The following ACVR2A variants were observed in gnomAD, a reference collection of about 807,000 sequenced individuals.
ACVR2A encodes activin receptor type-2A.
A neutral mutation model predicts 61.4 loss-of-function variants in ACVR2A; 7 were observed. The ratio of observed to expected loss-of-function variants is 0.11; its 90% CI spans 0.06 to 0.21. ACVR2A has a LOEUF of 0.21. Among genes scored for constraint, ACVR2A ranks in the 10% least tolerant of loss-of-function variants. The pLI, the probability that ACVR2A is intolerant of heterozygous loss-of-function variation, is 1.00. For synonymous variants in ACVR2A, 193 were observed against 208.3 expected, an observed-to-expected ratio of 0.93 and a Z score of 0.63; for missense variants, 322 against 621.7, an observed-to-expected ratio of 0.52 and a Z score of 5.13.
At position 147,930,725 on chromosome 2, in the gene ACVR2A, T is replaced by C. The variant is rs1687672506; in HGVS notation, c.*3451T>C. 6.6e-6 allele frequency: 1 copy of C among 152,426 alleles called. No individual in the cohort carries two copies. Among genetic ancestry groups the C allele is most frequent in the Non-Finnish European group, 1.5e-5 (1 of 67,964 alleles). The allele number at this position is 152,426 out of a possible 1,614,324, so 9.4% of individuals were successfully genotyped here. A position where few individuals can be genotyped will look rare whatever the true frequency, so the allele number is the denominator to read the frequency against. On this transcript the variant is annotated 3_prime_UTR_variant, in exon 11 of 11. Coordinates refer to ENST00000241416, the MANE Select transcript of ACVR2A (RefSeq NM_001616.5). The stretch of plus-strand genomic sequence containing the variant: ...TTTAACAGAAAGCTTAAAATCCCCA[T>C]AAAACCCCACCTTGGATAAGTGATT...
At chr2:147,908,902 T>C (rs994351345) in intron 4 of ACVR2A, among the ~76,000 whole-genome samples, 1 of 152,154 alleles carries the variant, frequency 6.6e-6, no homozygotes, top group Non-Finnish European at 1.5e-5. Flanking sequence ...AGAAATCTTA[T>C]AACACATATC....
At chr2:147,924,962 A>G (rs1259651642) in intron 9 of ACVR2A, among the ~76,000 whole-genome samples, 1 of 151,958 alleles carries the variant, frequency 6.6e-6, no homozygotes, top group Non-Finnish European at 1.5e-5. Context: ...CCAGCCATAG[A>G]TAATTCTTAT....
At chr2:147,912,489 A>G (rs1687142779) in intron 4 of ACVR2A, among the ~76,000 whole-genome samples, 1 of 151,906 alleles carries the variant, frequency 6.6e-6, no homozygotes, top group Non-Finnish European at 1.5e-5. Flanking sequence ...ATGACATCAG[A>G]AATTGCTTGT....
chr2:147,920,897 C>A (rs1399313173), intron 8 of ACVR2A, among the ~76,000 whole-genome samples: 1 of 152,088 alleles, frequency 6.6e-6, no homozygotes, highest in African/African-American at 2.4e-5. Context: ...TGTATATATC[C>A]ATATGCACAG....
chr2:147,916,432 T>C (rs895976576), intron 5 of ACVR2A, among the ~76,000 whole-genome samples: 2 of 151,928 alleles, frequency 1.3e-5, no homozygotes, highest in South Asian at 2.1e-4. Flanking sequence ...GTTTTACATA[T>C]ATGAGTACTC....
At chr2:147,884,818 G>T (rs1461460687) in intron 1 of ACVR2A, among the ~76,000 whole-genome samples, 1 of 152,086 alleles carries the variant, frequency 6.6e-6, no homozygotes. Context: ...AGTGTCCTGA[G>T]TTTTGTTCTG....
At chr2:147,911,908 G>A (rs1396991279) in intron 4 of ACVR2A, among the ~76,000 whole-genome samples, 5 of 151,970 alleles carry the variant, frequency 3.3e-5, no homozygotes, top group Non-Finnish European at 7.4e-5. Flanking sequence ...TTAAATGTCA[G>A]CATGTGTTCA....
intron 1 of ACVR2A, 116 bp downstream of exon 1, chr2:147,845,323 C>T: frequency 2.7e-6 from 2 of 746,510 alleles, no homozygotes; most frequent in Non-Finnish European, 4.1e-6. Context: ...AGGTTGCCCA[C>T]TCCCTGCGCC....
chr2:147,851,752 T>C (rs980712609), intron 1 of ACVR2A, among the ~76,000 whole-genome samples: 24 of 152,170 alleles, frequency 1.6e-4, no homozygotes, highest in Non-Finnish European at 1.5e-4. Flanking sequence ...GTTTCCACTT[T>C]AGACTGTGCA....
intron 1 of ACVR2A, among the ~76,000 whole-genome samples, chr2:147,876,434 G>C (rs1347807104): frequency 6.6e-6 from 1 of 151,512 alleles, no homozygotes; most frequent in Non-Finnish European, 1.5e-5. Flanking sequence ...TTTCTTTTAG[G>C]TATTTACCCC....
chr2:147,850,791 T>C (rs1685425734), intron 1 of ACVR2A, among the ~76,000 whole-genome samples: 1 of 152,208 alleles, frequency 6.6e-6, no homozygotes, highest in Non-Finnish European at 1.5e-5. Flanking sequence ...CCTAGATTTC[T>C]TGTTAGTCAC....
chr2:147,888,115 C>G (rs765052714), intron 1 of ACVR2A, among the ~76,000 whole-genome samples: 1 of 152,088 alleles, frequency 6.6e-6, no homozygotes, highest in Non-Finnish European at 1.5e-5. Context: ...TTGTCAAAAA[C>G]GAATTAGACG....
intron 4 of ACVR2A, among the ~76,000 whole-genome samples, chr2:147,904,866 A>G (rs73003432): frequency 0.017 from 2,524 of 152,188 alleles, 73 homozygotes; most frequent in African/African-American, 0.058. Context: ...GGAGAAATTT[A>G]CTAAATTTAT....
chr2:147,927,332 A>G lies in ACVR2A; in HGVS notation c.*58A>G. 1 of 1,469,562 alleles carries G rather than the reference A, an allele frequency of 6.8e-7. No individual in the cohort carries two copies. The highest frequency in any genetic ancestry group is 1.3e-5 in the South Asian group (1 of 78,246). The allele number at this position is 1,469,562 out of a possible 1,614,324, so 91.0% of individuals were successfully genotyped here. ...GACTCTGAACTGGAGCTGCTAAGCT[A>G]AAGAAACTGCTTACAGTTTATTTTC... On this transcript the variant is annotated 3_prime_UTR_variant, in exon 11 of 11. Coordinates refer to ENST00000241416, the MANE Select transcript of ACVR2A (RefSeq NM_001616.5).
intron 4 of ACVR2A, among the ~76,000 whole-genome samples, chr2:147,900,143 T>A (rs1686837042): frequency 6.6e-6 from 1 of 152,116 alleles, no homozygotes; most frequent in Admixed American, 6.6e-5. Context: ...TATTCCTCTT[T>A]GGAGAGTTTT....
At position 147,854,528 on chromosome 2, in the gene ACVR2A, T is replaced by G. The variant is rs112520189; in HGVS notation, c.55+9321T>G. Among the ~76,000 whole-genome samples the G allele has an allele frequency of 7.0e-3, 1,061 of 152,270 alleles. 13 individuals are homozygous for G. Among genetic ancestry groups the G allele is most frequent in the African/African-American group, 0.024 (990 of 41,558 alleles). On this transcript the variant is annotated intron_variant, in intron 1 of 10. Coordinates refer to ENST00000241416, the MANE Select transcript of ACVR2A (RefSeq NM_001616.5). ...GTGGTATAATATTTTGGACTAAAAC[T>G]TAAGAGTCTGTCATTCAAATTCCTA...
intron 1 of ACVR2A, among the ~76,000 whole-genome samples, chr2:147,892,191 C>G (rs760349896): frequency 6.6e-6 from 1 of 151,960 alleles, no homozygotes; most frequent in African/African-American, 2.4e-5. Context: ...AGGCTGGTCT[C>G]AAACTCCTGA....
Position 147,896,506 on chromosome 2 carries a change from C to T in ACVR2A, c.261C>T (p.Asp87=), listed in dbSNP as rs1686735542. ...GCWLDDINCY[D]RTDCVEKKDS... ...GGCTGGATGATATCAACTGCTATGA[C>T]AGGTAAGAACACATTTAAGATTTTA... Residue 87 remains aspartate (D), a splice_region_variant and synonymous_variant, in exon 2 of 11, where the codon GAC becomes GAT. Transcript: ENST00000241416. 1 of 1,613,626 alleles carries T rather than the reference C, an allele frequency of 6.2e-7. No individual in the cohort carries two copies. The highest frequency in any genetic ancestry group is 8.5e-7 in the Non-Finnish European group (1 of 1,179,670).
intron 1 of ACVR2A, among the ~76,000 whole-genome samples, chr2:147,871,684 T>C (rs978648493): frequency 1.3e-5 from 2 of 152,120 alleles, no homozygotes; most frequent in Non-Finnish European, 2.9e-5. Flanking sequence ...TGAGCAGATA[T>C]ATATTGAAAA....
Sources: gnomAD v4.1 joint callset for allele counts (sites outside exome capture counted in the v4.1 genomes callset) on GRCh38, gnomAD v4.1.1 for gene constraint, MANE v1.5 for transcripts, NCBI Gene and HGNC (gene_info 2026-07-23, HGNC 2026-07-21) for gene names.